ZBTB20: variants seen among roughly 807,000 people sequenced by gnomAD.
ZBTB20 encodes zinc finger and BTB domain containing 20.
A neutral mutation model predicts 56.9 loss-of-function variants in ZBTB20; 9 were observed. The ratio of observed to expected loss-of-function variants is 0.16; its 90% CI spans 0.10 to 0.28. ZBTB20 has a LOEUF of 0.28. Ranked by LOEUF, ZBTB20 falls within the 10% of genes least tolerant of loss-of-function variation. The pLI, the probability that ZBTB20 is intolerant of heterozygous loss-of-function variation, is 1.00. For synonymous variants in ZBTB20, 417 were observed against 420.7 expected, an observed-to-expected ratio of 0.99 and a Z score of 0.11; for missense variants, 655 against 1,003.0, an observed-to-expected ratio of 0.65 and a Z score of 4.69.
chr3:115,007,446 C>T (rs2079522140), intron 2 of ZBTB20, among the ~76,000 whole-genome samples: 1 of 151,792 alleles, frequency 6.6e-6, no homozygotes, highest in Admixed American at 6.6e-5. Context: ...CAGGACTTTA[C>T]TCATAATAAG....
chr3:115,053,353 GA>G (rs2081625313), intron 2 of ZBTB20, among the ~76,000 whole-genome samples: 2 of 152,066 alleles, frequency 1.3e-5, no homozygotes, highest in African/African-American at 4.8e-5. Flanking sequence ...TAAAGTAACT[GA>G]ATTGGTTTTA....
At chr3:114,824,729 C>T (rs1365983080) in intron 4 of ZBTB20, among the ~76,000 whole-genome samples, 1 of 151,832 alleles carries the variant, frequency 6.6e-6, no homozygotes, top group African/African-American at 2.4e-5. Context: ...AAAATAGAAG[C>T]TCAGAGAGCT....
At chr3:114,571,257 T>G (rs547471062) in intron 6 of ZBTB20, among the ~76,000 whole-genome samples, 2 of 152,288 alleles carry the variant, frequency 1.3e-5, no homozygotes, top group Non-Finnish European at 2.9e-5. Context: ...CACTTTGCAC[T>G]TCAATTGTGC....
At chr3:114,443,603 C>G (rs1372380981) in intron 7 of ZBTB20, among the ~76,000 whole-genome samples, 2 of 152,106 alleles carry the variant, frequency 1.3e-5, no homozygotes, top group Non-Finnish European at 2.9e-5. Context: ...TATTAGGTTC[C>G]TGTTACACAA....
chr3:114,986,854 C>T (rs1356302663), intron 2 of ZBTB20, among the ~76,000 whole-genome samples: 1 of 152,098 alleles, frequency 6.6e-6, no homozygotes, highest in African/African-American at 2.4e-5. Flanking sequence ...GCAATGTTAT[C>T]ATTTTCTATT....
At chr3:114,589,642 A>C (rs1234632101) in intron 6 of ZBTB20, among the ~76,000 whole-genome samples, 1 of 152,236 alleles carries the variant, frequency 6.6e-6, no homozygotes, top group Non-Finnish European at 1.5e-5. Context: ...GAACTTTCCC[A>C]GGCAAACTTA....
intron 4 of ZBTB20, among the ~76,000 whole-genome samples, chr3:114,853,654 T>G (rs1196309678): frequency 6.6e-6 from 1 of 152,224 alleles, no homozygotes; most frequent in African/African-American, 2.4e-5. Flanking sequence ...CCATTTATAT[T>G]TCCCCTCATA....
At chr3:114,821,106 G>A (rs2073215998) in intron 4 of ZBTB20, among the ~76,000 whole-genome samples, 1 of 152,070 alleles carries the variant, frequency 6.6e-6, no homozygotes, top group Non-Finnish European at 1.5e-5. Context: ...GATGGAACTT[G>A]GATTTTCAAC....
chr3:114,746,396 T>C (rs927112014), intron 5 of ZBTB20, among the ~76,000 whole-genome samples: 2 of 152,118 alleles, frequency 1.3e-5, no homozygotes, highest in Admixed American at 6.6e-5. Flanking sequence ...TTTTTTTAAT[T>C]ATTTGAAGAG....
intron 3 of ZBTB20, among the ~76,000 whole-genome samples, chr3:114,972,842 G>C (rs912289715): frequency 6.6e-6 from 1 of 151,474 alleles, no homozygotes; most frequent in Non-Finnish European, 1.5e-5. Flanking sequence ...ATTTCTCTCT[G>C]TCTCTCTCAC....
chr3:114,540,374 G>A (rs1277564676), intron 6 of ZBTB20, among the ~76,000 whole-genome samples: 1 of 152,056 alleles, frequency 6.6e-6, no homozygotes, highest in African/African-American at 2.4e-5. Context: ...CAGAAAGGTG[G>A]AAAAATCAGG....
At chr3:114,732,362 T>C (rs550056507) in intron 5 of ZBTB20, among the ~76,000 whole-genome samples, 2 of 152,100 alleles carry the variant, frequency 1.3e-5, no homozygotes, top group East Asian at 1.9e-4. Flanking sequence ...AAGGAAAGAG[T>C]CACTCATGTT....
intron 5 of ZBTB20, among the ~76,000 whole-genome samples, chr3:114,768,663 T>C (rs2068954704): frequency 6.6e-6 from 1 of 152,206 alleles, no homozygotes; most frequent in Non-Finnish European, 1.5e-5. Context: ...CATAATAATG[T>C]TTCGCATAGT....
intron 6 of ZBTB20, among the ~76,000 whole-genome samples, chr3:114,544,979 G>C (rs961591731): frequency 6.6e-6 from 1 of 152,140 alleles, no homozygotes; most frequent in Non-Finnish European, 1.5e-5. Context: ...TGGTTATCAT[G>C]AAGAAACTCT....
chr3:115,096,042 A>G (rs2083369467), intron 1 of ZBTB20, among the ~76,000 whole-genome samples: 1 of 152,230 alleles, frequency 6.6e-6, no homozygotes, highest in Non-Finnish European at 1.5e-5. Context: ...ACATGACTTG[A>G]AAGCTTGGTG....
chr3:114,878,058 G>T (rs1415275388), intron 4 of ZBTB20, among the ~76,000 whole-genome samples: 2 of 151,960 alleles, frequency 1.3e-5, no homozygotes, highest in African/African-American at 4.8e-5. Context: ...ATGAAAAAAA[G>T]AAACAGCCCT....
intron 6 of ZBTB20, among the ~76,000 whole-genome samples, chr3:114,557,070 C>T (rs1454989326): frequency 6.6e-6 from 1 of 151,986 alleles, no homozygotes; most frequent in Non-Finnish European, 1.5e-5. Flanking sequence ...ATGGTTTAGA[C>T]ACTTTTATTA....
chr3:114,739,952 G>A (rs2066457928), intron 5 of ZBTB20, among the ~76,000 whole-genome samples: 1 of 152,086 alleles, frequency 6.6e-6, no homozygotes, highest in Non-Finnish European at 1.5e-5. Flanking sequence ...TTTCAAAGCT[G>A]GACTATGGAA....
chr3:114,340,614 A>T (rs1039554681), intron 11 of ZBTB20, among the ~76,000 whole-genome samples: 1 of 152,156 alleles, frequency 6.6e-6, no homozygotes, highest in African/African-American at 2.4e-5. Context: ...TTACTTAAAG[A>T]CTTGTTTTCT....
Sources: allele counts gnomAD v4.1 joint callset (sites outside exome capture counted in the v4.1 genomes callset), GRCh38; gene constraint gnomAD v4.1.1; transcripts MANE v1.5; gene names NCBI Gene and HGNC (gene_info 2026-07-23, HGNC 2026-07-21).